RAB2A: variants seen among roughly 807,000 people sequenced by gnomAD.
RAB2A encodes RAB2A, member RAS oncogene family.
A neutral mutation model predicts 32.5 loss-of-function variants in RAB2A; 7 were observed. That is an observed-to-expected ratio of 0.22 (90% CI 0.12 to 0.40). RAB2A has a LOEUF of 0.40. Among genes scored for constraint, RAB2A ranks in the 10% least tolerant of loss-of-function variants. The pLI, the probability that RAB2A is intolerant of heterozygous loss-of-function variation, is 1.00. For synonymous variants in RAB2A, 79 were observed against 85.2 expected, an observed-to-expected ratio of 0.93 and a Z score of 0.40; for missense variants, 108 against 260.7, an observed-to-expected ratio of 0.41 and a Z score of 4.03.
intron 6 of RAB2A, among the ~76,000 whole-genome samples, chr8:60,614,028 C>T (rs921707380): frequency 2.6e-5 from 4 of 152,056 alleles, no homozygotes; most frequent in Non-Finnish European, 5.9e-5. Flanking sequence ...ATCATGCCAC[C>T]AGGTGGCAGC....
chr8:60,556,293 G>C (rs1288179494), intron 1 of RAB2A, among the ~76,000 whole-genome samples: 1 of 152,074 alleles, frequency 6.6e-6, no homozygotes. Flanking sequence ...CTGTTCTATA[G>C]TACTATAGGG....
intron 1 of RAB2A, among the ~76,000 whole-genome samples, chr8:60,538,858 A>G (rs548650939): frequency 3.2e-4 from 48 of 152,226 alleles, no homozygotes; most frequent in Non-Finnish European, 6.0e-4. Context: ...CAGTCAATTG[A>G]AAACTGGCAC....
chr8:60,521,981 C>T (rs530579508), intron 1 of RAB2A, among the ~76,000 whole-genome samples: 1 of 152,248 alleles, frequency 6.6e-6, no homozygotes, highest in East Asian at 1.9e-4. Context: ...AAACCATTGA[C>T]AAATGGGGAT....
rs180926020 is a variant in RAB2A, at chr8:60,572,027, C to T, written c.119-19C>T. Reference sequence around the variant, plus strand: ...TATTCCCACTAATTTTGTAACAAATCATTTCCTACTCTATTTAGGTGTAGA... The same window carrying T: ...TATTCCCACTAATTTTGTAACAAATTATTTCCTACTCTATTTAGGTGTAGA... On this transcript the variant is annotated intron_variant, in intron 2 of 7. Transcript: ENST00000262646. 385 of 1,575,508 alleles carry T rather than the reference C, an allele frequency of 2.4e-4. 1 individual carries two copies. In the African/African-American group the frequency reaches 4.8e-3, roughly 20 times the overall value.
intron 2 of RAB2A, among the ~76,000 whole-genome samples, chr8:60,560,912 A>G (rs1808013164): frequency 6.6e-6 from 1 of 152,164 alleles, no homozygotes; most frequent in Non-Finnish European, 1.5e-5. Flanking sequence ...AATTGTTTGG[A>G]AAACTGTAAC....
chr8:60,619,594 C>G (rs1031630088), intron 7 of RAB2A, among the ~76,000 whole-genome samples: 3 of 152,162 alleles, frequency 2.0e-5, no homozygotes, highest in Non-Finnish European at 4.4e-5. Flanking sequence ...AATATAGTTT[C>G]TAAATCCTAT....
At chr8:60,532,025 G>C (rs577726176) in intron 1 of RAB2A, among the ~76,000 whole-genome samples, 9 of 151,976 alleles carry the variant, frequency 5.9e-5, no homozygotes, top group African/African-American at 2.2e-4. Context: ...AGCTGGCTTC[G>C]AACTCCTGAC....
At chr8:60,610,648 C>T (rs564172153) in intron 6 of RAB2A, among the ~76,000 whole-genome samples, 2 of 152,328 alleles carry the variant, frequency 1.3e-5, no homozygotes, top group South Asian at 4.1e-4. Flanking sequence ...GTAGACTTGG[C>T]TGACTAGCAT....
intron 6 of RAB2A, among the ~76,000 whole-genome samples, chr8:60,613,708 T>G (rs996910636): frequency 1.3e-5 from 2 of 152,216 alleles, no homozygotes; most frequent in African/African-American, 2.4e-5. Context: ...AAGTTAACAT[T>G]AATTTTCTTA....
At chr8:60,518,424 A>G (rs1170778500) in intron 1 of RAB2A, among the ~76,000 whole-genome samples, 1 of 151,884 alleles carries the variant, frequency 6.6e-6, no homozygotes, top group Non-Finnish European at 1.5e-5. Context: ...TCGGAGGCCG[A>G]GGTGGGGGAT....
chr8:60,547,537 C>G (rs1807754513), intron 1 of RAB2A, among the ~76,000 whole-genome samples: 1 of 148,378 alleles, frequency 6.7e-6, no homozygotes, highest in Non-Finnish European at 1.5e-5. Flanking sequence ...TGACTCCCCC[C>G]ACCTCCCTCC....
intron 2 of RAB2A, among the ~76,000 whole-genome samples, chr8:60,562,590 C>G (rs1808040697): frequency 1.3e-5 from 2 of 152,180 alleles, no homozygotes; most frequent in Non-Finnish European, 2.9e-5. Flanking sequence ...TCTATACATT[C>G]ACTATGCAGA....
chr8:60,591,748 T>G (rs1344185792), intron 5 of RAB2A, 110 bp from the exon 6 acceptor site: 3 of 666,560 alleles, frequency 4.5e-6, no homozygotes, highest in African/African-American at 3.6e-5. Context: ...TGTTAAAAAT[T>G]AATTAAAAGA....
At chr8:60,618,524 A>C in intron 6 of RAB2A, 56 bp from the exon 7 acceptor site, 1 of 881,848 alleles carries the variant, frequency 1.1e-6, no homozygotes, top group Non-Finnish European at 1.6e-6. Flanking sequence ...AGCATATATA[A>C]TGTTATTTTA....
intron 2 of RAB2A, among the ~76,000 whole-genome samples, chr8:60,562,446 T>G (rs923519492): frequency 3.3e-5 from 5 of 152,172 alleles, no homozygotes; most frequent in Non-Finnish European, 5.9e-5. Context: ...AATGGATTGT[T>G]TTTTGTTGGG....
chr8:60,572,207 T>C (rs1808207187), intron 3 of RAB2A, 94 bp downstream of exon 3: 4 of 956,792 alleles, frequency 4.2e-6, no homozygotes, highest in East Asian at 3.0e-5. Flanking sequence ...ATGCCTGTTA[T>C]GGTTTGTTAG....
rs1656275595 is a variant in RAB2A, at chr8:60,622,913, T to C, written c.*2144T>C. 6.6e-6 allele frequency: 1 copy of C among 152,250 alleles called. No homozygotes were observed. The highest frequency in any genetic ancestry group is 2.4e-5 in the African/African-American group (1 of 41,468). 9.4% of individuals were successfully genotyped at this position (152,250 alleles called of 1,614,324 possible). A position where few individuals can be genotyped will look rare whatever the true frequency, so the allele number is the denominator to read the frequency against. On this transcript the variant is annotated 3_prime_UTR_variant, in exon 8 of 8. Coordinates refer to ENST00000262646, the MANE Select transcript of RAB2A (RefSeq NM_002865.3). ...TAATTGAGAAAGCAATGTTATTGTC[T>C]GTGATTTCCAGTCTTTGCTCATTTT...
chr8:60,549,583 T>C (rs1366976920), intron 1 of RAB2A, among the ~76,000 whole-genome samples: 1 of 151,570 alleles, frequency 6.6e-6, no homozygotes, highest in Non-Finnish European at 1.5e-5. Flanking sequence ...GCATCTGTAA[T>C]GTGGAGTGTC....
chr8:60,578,251 A>G (rs1165887032), intron 3 of RAB2A, among the ~76,000 whole-genome samples: 2 of 152,246 alleles, frequency 1.3e-5, no homozygotes, highest in African/African-American at 2.4e-5. Flanking sequence ...CCTCAAGGAT[A>G]ACTGAAGAGG....
Sources: gnomAD v4.1 joint callset for allele counts (sites outside exome capture counted in the v4.1 genomes callset) on GRCh38, gnomAD v4.1.1 for gene constraint, MANE v1.5 for transcripts, NCBI Gene and HGNC (gene_info 2026-07-23, HGNC 2026-07-21) for gene names.